DRC7: variants seen among roughly 807,000 people sequenced by gnomAD.
DRC7 encodes coiled-coil domain containing 135.
Under a neutral mutation model 104.4 loss-of-function variants are expected in DRC7, and 80 were observed. The ratio of observed to expected loss-of-function variants is 0.77; its 90% confidence interval spans 0.64 to 0.92. The LOEUF is 0.92. Ranked by LOEUF, DRC7 falls within the 40% of genes least tolerant of loss-of-function variation. The pLI is 0.00. For synonymous variants in DRC7, 405 were observed against 447.3 expected (o/e 0.91, Z 1.19); for missense variants, 1,034 against 1,141.1 (o/e 0.91, Z 1.35).
intron 16 of DRC7, 52 bp downstream of exon 16, chr16:57,727,461 C>G: frequency 1.5e-6 from 2 of 1,371,284 alleles, no homozygotes; most frequent in Non-Finnish European, 2.1e-6. Flanking sequence ...CCCCCCTGGT[C>G]TCCAGGGTGG....
intron 8 of DRC7, among the ~76,000 whole-genome samples, chr16:57,708,958 G>A (rs2048763194): frequency 6.6e-6 from 1 of 151,546 alleles, no homozygotes; most frequent in African/African-American, 2.4e-5. Context: ...GTGAAACCCC[G>A]TCTCTACTAA....
chr16:57,725,898 G>C, intron 13 of DRC7, 170 bp from the exon 14 acceptor site: 4 of 634,178 alleles, frequency 6.3e-6, no homozygotes, highest in Non-Finnish European at 1.1e-5. Context: ...CTGGCCCTGA[G>C]AACCCACGAA....
At chr16:57,709,530 T>G (rs925881039) in intron 8 of DRC7, among the ~76,000 whole-genome samples, 4 of 152,034 alleles carry the variant, frequency 2.6e-5, no homozygotes, top group Non-Finnish European at 5.9e-5. Context: ...ACTAGCAGGT[T>G]TTTTTTTAAT....
chr16:57,716,173 A>G (rs570114693), intron 8 of DRC7, among the ~76,000 whole-genome samples: 5 of 152,350 alleles, frequency 3.3e-5, no homozygotes, highest in Admixed American at 3.3e-4. Context: ...TACTGCTTAC[A>G]CTGGTTTACA....
chr16:57,704,462 C>T (rs1421400743), intron 6 of DRC7, among the ~76,000 whole-genome samples: 12 of 152,054 alleles, frequency 7.9e-5, no homozygotes, highest in African/African-American at 1.9e-4. Flanking sequence ...TGAGGCCCTC[C>T]GATGACAAGA....
intron 4 of DRC7, among the ~76,000 whole-genome samples, chr16:57,699,900 G>A (rs2048638803): frequency 6.6e-6 from 1 of 152,164 alleles, no homozygotes. Context: ...TGCTGTCTCC[G>A]GGTGCTGGCA....
At position 57,701,993 on chromosome 16, in the gene DRC7, G is replaced by A. The variant is rs1286699725; in HGVS notation, c.562G>A (p.Asp188Asn). 4.3e-6 allele frequency: 7 copies of A among 1,614,190 alleles called. No individual in the cohort carries two copies. The highest frequency in any genetic ancestry group is 5.1e-6 in the Non-Finnish European group (6 of 1,180,048). Reference protein sequence around the residue: ...VLKYQKGNCFDFSTLLCSMLI... With the variant: ...VLKYQKGNCFNFSTLLCSMLI... ...CAAGTACCAGAAGGGGAACTGCTTT[G>A]ACTTCAGTACGCTGCTCTGCTCCAT... The change falls in exon 6 of 19, where the codon GAC becomes AAC. Residue 188 changes from aspartate to asparagine, a missense_variant. Coordinates refer to ENST00000360716, the MANE Select transcript of DRC7 (RefSeq NM_001289162.2).
At position 57,726,883 on chromosome 16, in the gene DRC7, A is replaced by G; in HGVS notation, c.2026A>G (p.Met676Val). 6.2e-7 allele frequency: 1 copy of G among 1,613,320 alleles called. No homozygotes were observed. The highest frequency in any genetic ancestry group is 8.5e-7 in the Non-Finnish European group (1 of 1,179,802). ...GCTGCTCTACCAGTACGAGGCCATGATGCACCTGAAGAGGGAGGAGAAGCT... is the reference window on the plus strand; with the variant it reads ...GCTGCTCTACCAGTACGAGGCCATGGTGCACCTGAAGAGGGAGGAGAAGCT... ...KKLLYQYEAM[M>V]HLKREEKLSR... Residue 676 changes from methionine (M) to valine (V), a missense_variant, in exon 15 of 19, where the codon ATG becomes GTG. Met to Val is a conservative substitution (Grantham distance 21). Transcript: ENST00000360716.
chr16:57,718,396 T>C lies in DRC7; in HGVS notation c.1127T>C (p.Leu376Pro). Residue 376 changes from leucine (L) to proline (P), a missense_variant, in exon 9 of 19, where the codon CTG becomes CCG. Coordinates refer to ENST00000360716, the MANE Select transcript of DRC7 (RefSeq NM_001289162.2). ...CCTGTGAGATGGGAGTACATGCTCC[T>C]GGGGACTGATAAGTCTCAGCTGTCC... ...GDPVRWEYML[L>P]GTDKSQLSLT... 6.2e-7 allele frequency: 1 copy of C among 1,614,118 alleles called. No homozygotes were observed. Among genetic ancestry groups the C allele is most frequent in the Non-Finnish European group, 8.5e-7 (1 of 1,179,984 alleles).
intron 16 of DRC7, among the ~76,000 whole-genome samples, chr16:57,728,145 G>A (rs889595973): frequency 1.3e-5 from 2 of 152,222 alleles, no homozygotes; most frequent in Non-Finnish European, 2.9e-5. Flanking sequence ...CAGATCCTCA[G>A]AGAAGGAAAC....
chr16:57,728,443 C>T lies in DRC7; in HGVS notation c.2250C>T (p.Tyr750=), dbSNP rs1357812184. 6.2e-7 allele frequency: 1 copy of T among 1,611,872 alleles called. No homozygotes were observed. The highest frequency in any genetic ancestry group is 8.5e-7 in the Non-Finnish European group (1 of 1,179,506). ...GGCAGGTGGAGACCCAGCTGGACTA[C>T]CTGGCCCCATTCCTGGCCCAGCTCC... ...HLRQVETQLD[Y]LAPFLAQLPP... The change falls in exon 17 of 19, where the codon TAC becomes TAT. Residue 750 remains tyrosine (Y), a synonymous_variant. Coordinates refer to ENST00000360716, the MANE Select transcript of DRC7 (RefSeq NM_001289162.2).
At position 57,705,055 on chromosome 16, in the gene DRC7, C is replaced by G. The variant is rs1326911264; in HGVS notation, c.858+21C>G. 3.7e-6 allele frequency: 6 copies of G among 1,607,386 alleles called. No individual in the cohort carries two copies. In the African/African-American group the frequency reaches 6.7e-5, roughly 18 times the overall value. ...TCATGGTGGGTCCTCAGCCCTGAAT[C>G]CCCTGGGCTCAGCTATCGAGAAAGG... On this transcript the variant is annotated intron_variant, in intron 7 of 18. Transcript: ENST00000360716.
intron 14 of DRC7, 51 bp downstream of exon 14, chr16:57,726,334 GCTCT>G: frequency 6.6e-7 from 1 of 1,505,972 alleles, no homozygotes. Context: ...AGGAACCGGG[GCTCT>G]CTGTCTTATT....
At chr16:57,722,363 A>T (rs1433014364) in intron 10 of DRC7, among the ~76,000 whole-genome samples, 1 of 152,086 alleles carries the variant, frequency 6.6e-6, no homozygotes, top group East Asian at 1.9e-4. Context: ...GTTTGGAAGG[A>T]TCTGAAGGAG....
At chr16:57,699,052 T>G in intron 4 of DRC7, 28 bp downstream of exon 4, 2 of 1,607,086 alleles carry the variant, frequency 1.2e-6, no homozygotes. Context: ...AGGGCAGGGC[T>G]GGGGAGCCTG....
intron 5 of DRC7, 149 bp downstream of exon 5, chr16:57,700,419 C>T (rs1474251269): frequency 1.1e-5 from 11 of 990,894 alleles, no homozygotes; most frequent in African/African-American, 1.6e-5. Context: ...GAGGCCAAGG[C>T]GGGCAGATCA....
intron 9 of DRC7, among the ~76,000 whole-genome samples, chr16:57,719,997 A>G (rs570129758): frequency 3.3e-5 from 5 of 152,226 alleles, no homozygotes; most frequent in African/African-American, 4.8e-5. Context: ...ACTTCAACCT[A>G]TGAATTTTAG....
At chr16:57,717,841 C>T (rs1407035600) in intron 8 of DRC7, among the ~76,000 whole-genome samples, 1 of 152,176 alleles carries the variant, frequency 6.6e-6, no homozygotes, top group African/African-American at 2.4e-5. Flanking sequence ...ATGCCCGGCT[C>T]TCCACCTGCA....
In DRC7 at chr16:57,728,404, C is replaced by T. The variant is rs775906886; in HGVS notation, c.2211C>T (p.His737=). ...CACCTTTACAGGAGCGCATGATGCA[C>T]GAAGAGCACCTGCGGCAGGTGGAGA... ...EYREAMERMM[H]EEHLRQVETQ... is the part of the protein sequence containing the mutation. Residue 737 remains histidine, a synonymous_variant, in exon 17 of 19, where the codon CAC becomes CAT. Coordinates refer to ENST00000360716, the MANE Select transcript of DRC7 (RefSeq NM_001289162.2). 31 of 1,600,758 alleles carry T rather than the reference C, an allele frequency of 1.9e-5. No individual in the cohort carries two copies. The East Asian group carries it at 2.5e-4, about 13-fold the overall frequency.
Sources: gnomAD v4.1 joint callset for allele counts (sites outside exome capture counted in the v4.1 genomes callset) on GRCh38, gnomAD v4.1.1 for gene constraint, MANE v1.5 for transcripts, NCBI Gene and HGNC (gene_info 2026-07-23, HGNC 2026-07-21) for gene names.